The following VSTM4 variants were observed in gnomAD, a reference collection of about 807,000 sequenced individuals.
The protein encoded by VSTM4 is V-set and transmembrane domain-containing protein 4.
In VSTM4, 20 loss-of-function variants were observed where a neutral mutation model predicts 36.4. That is an observed-to-expected ratio of 0.55 (90% CI 0.39 to 0.80). VSTM4 has a LOEUF of 0.80. VSTM4 is among the 30% of genes least tolerant of loss of function. The pLI is 0.00. For synonymous variants in VSTM4, 182 were observed against 173.9 expected, an observed-to-expected ratio of 1.05 and a Z score of -0.37; for missense variants, 392 against 404.5, an observed-to-expected ratio of 0.97 and a Z score of 0.26.
At chr10:49,110,186 G>A (rs755193873) in intron 1 of VSTM4, among the ~76,000 whole-genome samples, 6 of 152,236 alleles carry the variant, frequency 3.9e-5, no homozygotes, top group Non-Finnish European at 7.3e-5. Flanking sequence ...AACAAGATGG[G>A]TGGGATGAGA....
intron 3 of VSTM4, among the ~76,000 whole-genome samples, chr10:49,082,951 C>T (rs1010918687): frequency 8.5e-5 from 13 of 152,202 alleles, no homozygotes; most frequent in African/African-American, 2.7e-4. Context: ...TGCCAGCTCC[C>T]GCCCTCCCAA....
intron 7 of VSTM4, among the ~76,000 whole-genome samples, chr10:49,036,672 A>G (rs1023233010): frequency 6.6e-6 from 1 of 152,240 alleles, no homozygotes; most frequent in Non-Finnish European, 1.5e-5. Flanking sequence ...CTTTTCTGCT[A>G]CTGATAAGAG....
intron 2 of VSTM4, among the ~76,000 whole-genome samples, chr10:49,097,897 CTTTG>C (rs958136416): frequency 3.3e-5 from 5 of 152,174 alleles, no homozygotes; most frequent in African/African-American, 9.7e-5. Flanking sequence ...ATTAACTGCT[CTTTG>C]TTTGTTTGCG....
intron 5 of VSTM4, chr10:49,064,005 G>C (rs1047318287): frequency 6.6e-6 from 1 of 152,276 alleles, no homozygotes; most frequent in African/African-American, 2.4e-5. Context: ...TCTGTTGCTA[G>C]ATTGGAGTAG....
intron 5 of VSTM4, among the ~76,000 whole-genome samples, chr10:49,062,955 T>C (rs2131976219): frequency 6.6e-6 from 1 of 152,314 alleles, no homozygotes; most frequent in East Asian, 1.9e-4. Context: ...TATGTTTGTT[T>C]TTTTCTTTAT....
At chr10:49,114,839 G>A (rs1844961900) in intron 1 of VSTM4, among the ~76,000 whole-genome samples, 1 of 152,200 alleles carries the variant, frequency 6.6e-6, no homozygotes, top group Admixed American at 6.5e-5. Context: ...AGCCATTAGT[G>A]TGGACCAAGA....
chr10:49,070,886 A>G (rs1220499553), intron 4 of VSTM4, among the ~76,000 whole-genome samples: 1 of 152,142 alleles, frequency 6.6e-6, no homozygotes, highest in Non-Finnish European at 1.5e-5. Context: ...CCTCCTCTCA[A>G]AGGCCCCAGG....
At chr10:49,060,905 G>T (rs1843866058) in intron 5 of VSTM4, among the ~76,000 whole-genome samples, 1 of 152,174 alleles carries the variant, frequency 6.6e-6, no homozygotes, top group South Asian at 2.1e-4. Context: ...TCCCAGCACT[G>T]TCTGTCAAAA....
chr10:49,064,813 T>C, intron 4 of VSTM4, 77 bp from the exon 5 acceptor site: 2 of 1,501,770 alleles, frequency 1.3e-6, no homozygotes, highest in Non-Finnish European at 1.8e-6. Context: ...TACAAGGAAA[T>C]GCCGGGAGCC....
chr10:49,055,544 AC>A (rs1341954941), intron 5 of VSTM4, among the ~76,000 whole-genome samples: 2 of 152,162 alleles, frequency 1.3e-5, no homozygotes, highest in African/African-American at 4.8e-5. Context: ...AACTGTAGAT[AC>A]CCCTTCTCCC....
intron 4 of VSTM4, among the ~76,000 whole-genome samples, chr10:49,073,768 C>T (rs905722205): frequency 5.3e-5 from 8 of 152,168 alleles, no homozygotes; most frequent in African/African-American, 1.9e-4. Flanking sequence ...GGAAAGTCCA[C>T]AAATGAAGAT....
intron 7 of VSTM4, among the ~76,000 whole-genome samples, chr10:49,037,832 A>G (rs1354360522): frequency 6.6e-6 from 1 of 152,196 alleles, no homozygotes; most frequent in Non-Finnish European, 1.5e-5. Context: ...AGATAGACAA[A>G]TGGCTGACAA....
chr10:49,114,392 C>T (rs756650734), intron 1 of VSTM4, among the ~76,000 whole-genome samples: 3 of 152,188 alleles, frequency 2.0e-5, no homozygotes, highest in Non-Finnish European at 4.4e-5. Context: ...AAAACAATGG[C>T]AACACAGTTT....
chr10:49,113,269 T>C (rs1234737968), intron 1 of VSTM4, among the ~76,000 whole-genome samples: 1 of 152,228 alleles, frequency 6.6e-6, no homozygotes, highest in Non-Finnish European at 1.5e-5. Context: ...TAACAGTCTT[T>C]GGCACCAGGA....
At chr10:49,055,521 G>A (rs1457858391) in intron 5 of VSTM4, among the ~76,000 whole-genome samples, 1 of 152,176 alleles carries the variant, frequency 6.6e-6, no homozygotes, top group Admixed American at 6.5e-5. Flanking sequence ...AAAGTAAAAT[G>A]AATAATAGTA....
At chr10:49,067,204 ATG>A (rs569843109) in intron 4 of VSTM4, among the ~76,000 whole-genome samples, 161 of 152,226 alleles carry the variant, frequency 1.1e-3, no homozygotes, top group African/African-American at 3.5e-3. Flanking sequence ...CAACAAAAAA[ATG>A]ATTGAGTGCA....
At chr10:49,107,205 G>C (rs1844798572) in intron 2 of VSTM4, among the ~76,000 whole-genome samples, 4 of 152,170 alleles carry the variant, frequency 2.6e-5, no homozygotes, top group African/African-American at 9.7e-5. Flanking sequence ...TTCATGCCAG[G>C]CTCTCTTCTC....
Position 49,047,007 on chromosome 10 carries a change from C to G in VSTM4, c.813G>C (p.Leu271=). 6.2e-7 allele frequency: 1 copy of G among 1,614,168 alleles called. No individual in the cohort carries two copies. Among genetic ancestry groups the G allele is most frequent in the Non-Finnish European group, 8.5e-7 (1 of 1,180,022 alleles). The change falls in exon 7 of 8, where the codon CTG becomes CTC. Residue 271 remains leucine (L), a synonymous_variant. Transcript: ENST00000332853. ...IAPTFHKPKL[L]KPQRKVTLPK... ...CCAGCGTGACTTTTCTCTGTGGTTT[C>G]AGCAGCTTCGGTTTATGGAACGTGG... is the stretch of plus-strand genomic sequence containing the variant.
intron 2 of VSTM4, among the ~76,000 whole-genome samples, chr10:49,091,263 G>A (rs1416226633): frequency 6.6e-6 from 1 of 152,216 alleles, no homozygotes; most frequent in Non-Finnish European, 1.5e-5. Context: ...AGTTTCCGGG[G>A]AGGCAGTGGC....
Sources: allele counts gnomAD v4.1 joint callset (sites outside exome capture counted in the v4.1 genomes callset), GRCh38; gene constraint gnomAD v4.1.1; transcripts MANE v1.5; gene names NCBI Gene and HGNC (gene_info 2026-07-23, HGNC 2026-07-21).